Variants in PRKG1 observed in about 807,000 individuals in gnomAD.
PRKG1 encodes cGMP-dependent protein kinase 1.
Under a neutral mutation model 88.1 loss-of-function variants are expected in PRKG1, and 35 were observed. The ratio of observed to expected loss-of-function variants is 0.40; its 90% CI spans 0.30 to 0.53. PRKG1 has a LOEUF of 0.53. Among genes scored for constraint, PRKG1 ranks in the 20% least tolerant of loss-of-function variants. The pLI is 0.59. For synonymous variants in PRKG1, 303 were observed against 292.5 expected, an observed-to-expected ratio of 1.04 and a Z score of -0.37; for missense variants, 540 against 839.8, an observed-to-expected ratio of 0.64 and a Z score of 4.41.
At chr10:52,132,487 T>C (rs1837291817) in intron 7 of PRKG1, among the ~76,000 whole-genome samples, 1 of 152,064 alleles carries the variant, frequency 6.6e-6, no homozygotes, top group Non-Finnish European at 1.5e-5. Context: ...ATAGCAACAG[T>C]GAAAGACACA....
intron 5 of PRKG1, among the ~76,000 whole-genome samples, chr10:52,026,437 T>A (rs1845338945): frequency 6.6e-6 from 1 of 152,212 alleles, no homozygotes; most frequent in Non-Finnish European, 1.5e-5. Context: ...TTATGCCAAG[T>A]GAAAGATACC....
In PRKG1 at chr10:52,020,598, G is replaced by A. The variant is rs1216259981; in HGVS notation, c.763-33886G>A. ...AGTGGGCACATGAAGGTCAAGAGTG[G>A]TGTTTAACCTTGATCCTAGGACTTT... On this transcript the variant is annotated intron_variant, in intron 5 of 17. Transcript: ENST00000373980. Among the ~76,000 whole-genome samples, 3 of 152,168 alleles carry A rather than the reference G, an allele frequency of 2.0e-5. No individual in the cohort carries two copies. The East Asian group carries it at 5.8e-4, about 29-fold the overall frequency.
At chr10:51,668,430 CAG>C (rs1840475271) in intron 3 of PRKG1, among the ~76,000 whole-genome samples, 1 of 152,182 alleles carries the variant, frequency 6.6e-6, no homozygotes, top group Non-Finnish European at 1.5e-5. Context: ...TGTTTTGAGA[CAG>C]GGTCTTGTTC....
chr10:51,287,157 A>G (rs897387123), intron 2 of PRKG1, among the ~76,000 whole-genome samples: 19 of 152,192 alleles, frequency 1.2e-4, no homozygotes, highest in African/African-American at 4.1e-4. Flanking sequence ...TATTACACGT[A>G]TAAGCCACTG....
At chr10:51,411,685 C>T (rs1021877449) in intron 2 of PRKG1, among the ~76,000 whole-genome samples, 3 of 152,144 alleles carry the variant, frequency 2.0e-5, no homozygotes, top group East Asian at 1.9e-4. Flanking sequence ...CTTTTCTGTC[C>T]GTTTTTGCTT....
At chr10:52,094,555 T>C (rs1265393805) in intron 7 of PRKG1, among the ~76,000 whole-genome samples, 6 of 152,196 alleles carry the variant, frequency 3.9e-5, no homozygotes, top group African/African-American at 1.4e-4. Context: ...CTTAGTCTGC[T>C]CAAGCTGTCA....
intron 12 of PRKG1, among the ~76,000 whole-genome samples, chr10:52,279,664 T>A (rs1841955772): frequency 6.6e-6 from 1 of 151,862 alleles, no homozygotes; most frequent in South Asian, 2.1e-4. Flanking sequence ...GAAAAAAAAA[T>A]AAGTGTCACC....
In PRKG1 at chr10:51,047,284, G is replaced by T. The variant is rs562712380; in HGVS notation, c.266+55640G>T. Among the ~76,000 whole-genome samples, 3 of 152,228 alleles carry T rather than the reference G, an allele frequency of 2.0e-5. No individual in the cohort carries two copies. The South Asian group carries it at 6.2e-4, about 32-fold the overall frequency. ...GAATCCCAATTCTACCACTTACTTTGACCTTAAAGCAAGTTACTTACATTC... is the reference window on the plus strand; with the variant it reads ...GAATCCCAATTCTACCACTTACTTTTACCTTAAAGCAAGTTACTTACATTC... On this transcript the variant is annotated intron_variant, in intron 1 of 17. Transcript: ENST00000401604.
At chr10:51,660,527 T>C (rs1218371435) in intron 3 of PRKG1, among the ~76,000 whole-genome samples, 1 of 152,106 alleles carries the variant, frequency 6.6e-6, no homozygotes, top group Non-Finnish European at 1.5e-5. Context: ...TTTTCAAGTA[T>C]TTTTCAACCT....
chr10:51,130,578 T>A (rs979713235), intron 1 of PRKG1, among the ~76,000 whole-genome samples: 2 of 141,868 alleles, frequency 1.4e-5, no homozygotes, highest in Non-Finnish European at 3.1e-5. Flanking sequence ...TACTTTTTTT[T>A]ATTTTATTTT....
chr10:51,634,179 G>A (rs1839597834), intron 3 of PRKG1, among the ~76,000 whole-genome samples: 1 of 152,052 alleles, frequency 6.6e-6, no homozygotes, highest in Non-Finnish European at 1.5e-5. Context: ...CTAGGTACTA[G>A]CAAAGCTTCA....
intron 12 of PRKG1, among the ~76,000 whole-genome samples, chr10:52,276,196 CT>C (rs1841870228): frequency 6.6e-6 from 1 of 152,138 alleles, no homozygotes; most frequent in African/African-American, 2.4e-5. Context: ...TCTCTGATTG[CT>C]CTGGCTAGGA....
At chr10:51,750,758 A>G (rs1221917856) in intron 3 of PRKG1, among the ~76,000 whole-genome samples, 2 of 152,228 alleles carry the variant, frequency 1.3e-5, no homozygotes, top group Non-Finnish European at 2.9e-5. Context: ...TAAAGATCAC[A>G]AGGGATTATA....
At chr10:51,119,131 T>C (rs1179674515) in intron 1 of PRKG1, among the ~76,000 whole-genome samples, 5 of 152,110 alleles carry the variant, frequency 3.3e-5, no homozygotes, top group Admixed American at 2.0e-4. Flanking sequence ...CTTCCGAATG[T>C]TCACTTGCTA....
intron 2 of PRKG1, among the ~76,000 whole-genome samples, chr10:51,390,933 A>G (rs1479054998): frequency 1.3e-5 from 2 of 152,204 alleles, no homozygotes; most frequent in Non-Finnish European, 2.9e-5. Flanking sequence ...CAAAACATCT[A>G]TTATATAATC....
chr10:51,376,365 A>G (rs1294489711), intron 2 of PRKG1, among the ~76,000 whole-genome samples: 3 of 152,170 alleles, frequency 2.0e-5, no homozygotes, highest in African/African-American at 7.2e-5. Context: ...TTAGAGAAAT[A>G]TATTGTTACC....
chr10:52,164,316 C>T (rs1221704148), intron 9 of PRKG1, among the ~76,000 whole-genome samples: 1 of 151,802 alleles, frequency 6.6e-6, no homozygotes, highest in African/African-American at 2.4e-5. Flanking sequence ...GCGCCATTAC[C>T]CTCCAGCCTG....
At chr10:51,735,883 ATATTTATTTATT>A (rs1554836800) in intron 3 of PRKG1, among the ~76,000 whole-genome samples, 3 of 102,868 alleles carry the variant, frequency 2.9e-5, no homozygotes, top group South Asian at 6.4e-4. Context: ...ATATATATGT[ATATTTATTTATT>A]TATTTATTTA....
chr10:51,283,968 A>G (rs1055318743), intron 2 of PRKG1, among the ~76,000 whole-genome samples: 2 of 152,238 alleles, frequency 1.3e-5, no homozygotes, highest in African/African-American at 4.8e-5. Context: ...ATTTACAAAC[A>G]TAGTTTAGAA....
Sources: allele counts gnomAD v4.1 joint callset (sites outside exome capture counted in the v4.1 genomes callset), GRCh38; gene constraint gnomAD v4.1.1; transcripts MANE v1.5; gene names NCBI Gene and HGNC (gene_info 2026-07-23, HGNC 2026-07-21).